The following CRYBG1 variants were observed in gnomAD, a reference collection of about 807,000 sequenced individuals.
CRYBG1 encodes beta/gamma crystallin domain-containing protein 1.
Under a neutral mutation model 189.2 loss-of-function variants are expected in CRYBG1, and 139 were observed. The observed-to-expected ratio is 0.73, with a 90% CI of 0.64 to 0.85. The LOEUF (loss-of-function observed/expected upper bound fraction) is 0.85, where lower values mean the gene tolerates loss of function less well. CRYBG1 is among the 40% of genes least tolerant of loss of function. CRYBG1 has a pLI of 0.00. For synonymous variants in CRYBG1, 1,023 were observed against 1,017.1 expected (o/e 1.01, Z -0.11); for missense variants, 2,611 against 2,675.8 (o/e 0.98, Z 0.53).
intron 1 of CRYBG1, among the ~76,000 whole-genome samples, chr6:106,417,708 G>A (rs1771050745): frequency 6.6e-6 from 1 of 152,238 alleles, no homozygotes; most frequent in Non-Finnish European, 1.5e-5. Flanking sequence ...CCTTGTGGGA[G>A]GGAGAATGTG....
At chr6:106,472,780 T>A (rs1256184161) in intron 2 of CRYBG1, among the ~76,000 whole-genome samples, 1 of 151,774 alleles carries the variant, frequency 6.6e-6, no homozygotes, top group Non-Finnish European at 1.5e-5. Flanking sequence ...GGCACGTGCC[T>A]GTAGTCCCAG....
chr6:106,364,321 C>G (rs1771939357), intron 1 of CRYBG1, among the ~76,000 whole-genome samples: 2 of 129,046 alleles, frequency 1.5e-5, no homozygotes, highest in South Asian at 5.3e-4. Flanking sequence ...GAGTGAAACT[C>G]CATCTCAAAA....
intron 10 of CRYBG1, among the ~76,000 whole-genome samples, chr6:106,543,146 C>T (rs1378832176): frequency 6.6e-6 from 1 of 151,646 alleles, no homozygotes; most frequent in African/African-American, 2.4e-5. Context: ...GGTTCTGCCT[C>T]AGCCTCCTGT....
At chr6:106,529,361 C>T (rs186509083) in intron 7 of CRYBG1, among the ~76,000 whole-genome samples, 1 of 152,310 alleles carries the variant, frequency 6.6e-6, no homozygotes, top group Admixed American at 6.5e-5. Flanking sequence ...ATTTTCTTCA[C>T]AGATCGTGTG....
intron 1 of CRYBG1, among the ~76,000 whole-genome samples, chr6:106,415,199 C>T (rs1294523192): frequency 1.3e-5 from 2 of 152,150 alleles, no homozygotes; most frequent in Admixed American, 6.6e-5. Context: ...ATATGTTTCT[C>T]ATGAAGATAC....
intron 2 of CRYBG1, among the ~76,000 whole-genome samples, chr6:106,502,459 T>G (rs1020367866): frequency 6.6e-6 from 1 of 152,236 alleles, no homozygotes; most frequent in Non-Finnish European, 1.5e-5. Flanking sequence ...AGGATATGCA[T>G]ATAATCCAGG....
At chr6:106,428,190 G>C (rs9399996) in intron 1 of CRYBG1, among the ~76,000 whole-genome samples, 17,236 of 152,110 alleles carry the variant, frequency 0.11, 1,250 homozygotes, top group Non-Finnish European at 0.15. Flanking sequence ...CTCCCTGATG[G>C]TATTTTATTC....
At position 106,539,616 on chromosome 6, in the gene CRYBG1, C is replaced by G. The variant is rs2114567597; in HGVS notation, c.4845+87C>G. 6 of 1,465,432 alleles carry G rather than the reference C, an allele frequency of 4.1e-6. 1 individual carries two copies. Among genetic ancestry groups the G allele is most frequent in the Middle Eastern group, 3.7e-4 (2 of 5,458 alleles). The allele number at this position is 1,465,432 out of a possible 1,614,324, so 90.8% of individuals were successfully genotyped here. A position where few individuals can be genotyped will look rare whatever the true frequency, so the allele number is the denominator to read the frequency against. On this transcript the variant is annotated intron_variant, in intron 9 of 21. Coordinates refer to ENST00000633556, the MANE Select transcript of CRYBG1 (RefSeq NM_001371242.2). The stretch of plus-strand genomic sequence containing the variant: ...AGGGTGTGACTTTGAAGCAATAAAG[C>G]TGACTTTTAAGAAACAAATTTGTAG...
chr6:106,505,144 G>T (rs1011546071), intron 2 of CRYBG1, among the ~76,000 whole-genome samples: 5 of 151,276 alleles, frequency 3.3e-5, no homozygotes, highest in African/African-American at 1.2e-4. Flanking sequence ...TGCCAGACTG[G>T]AGTGCAGTGG....
intron 2 of CRYBG1, among the ~76,000 whole-genome samples, chr6:106,473,507 A>G (rs186287190): frequency 4.3e-4 from 65 of 152,340 alleles, no homozygotes; most frequent in Admixed American, 4.1e-3. Flanking sequence ...GAGGGCCTAG[A>G]AACAGTGATA....
chr6:106,474,635 G>A (rs1041909418), intron 2 of CRYBG1, among the ~76,000 whole-genome samples: 9 of 152,138 alleles, frequency 5.9e-5, no homozygotes. Context: ...CCCTCTGAGG[G>A]CAGAGGATGA....
intron 3 of CRYBG1, among the ~76,000 whole-genome samples, chr6:106,517,497 C>CATAT (rs759313309): frequency 2.1e-5 from 3 of 141,832 alleles, no homozygotes; most frequent in Non-Finnish European, 4.5e-5. Context: ...CACACACACA[C>CATAT]ATATATATAT....
At position 106,521,092 on chromosome 6, in the gene CRYBG1, G is replaced by A; in HGVS notation, c.3884G>A (p.Gly1295Asp). The change falls in exon 4 of 22, where the codon GGT becomes GAT. Residue 1295 changes from glycine (G) to aspartate (D), a missense_variant. By Grantham distance (94) the Gly-to-Asp change is moderately conservative. Transcript: ENST00000633556. ...ACGACTGAGGGTGCCCCGCCCTGTG[G>A]TTTGAACAAAGAACAGTCAAATCTT... ...QPTTEGAPPCGLNKEQSNLLP... is the reference protein window; with the variant it reads ...QPTTEGAPPCDLNKEQSNLLP... The A allele has an allele frequency of 6.2e-7, 1 of 1,614,150 alleles. No homozygotes were observed. Among genetic ancestry groups the A allele is most frequent in the Non-Finnish European group, 8.5e-7 (1 of 1,180,022 alleles).
At chr6:106,533,259 C>A (rs1299529991) in intron 8 of CRYBG1, among the ~76,000 whole-genome samples, 1 of 152,198 alleles carries the variant, frequency 6.6e-6, no homozygotes, top group Non-Finnish European at 1.5e-5. Flanking sequence ...AGGAAGCACA[C>A]CATTTGCAAA....
At chr6:106,365,688 TTA>T (rs945129514) in intron 1 of CRYBG1, among the ~76,000 whole-genome samples, 2 of 150,042 alleles carry the variant, frequency 1.3e-5, no homozygotes, top group African/African-American at 4.9e-5. Context: ...GTATTTTTTT[TTA>T]AAAAAAGCAG....
chr6:106,482,547 G>T (rs1772488786), intron 2 of CRYBG1, among the ~76,000 whole-genome samples: 1 of 152,084 alleles, frequency 6.6e-6, no homozygotes, highest in South Asian at 2.1e-4. Flanking sequence ...AGGCCGAGGG[G>T]GGTGAATCAC....
chr6:106,367,799 CAAA>C lies in CRYBG1; in HGVS notation c.173+6734_173+6736del, dbSNP rs68107811. Among the ~76,000 whole-genome samples, 613 of 136,972 alleles carry C rather than the reference CAAA, an allele frequency of 4.5e-3. 2 individuals are homozygous for C. Among genetic ancestry groups the C allele is most frequent in the African/African-American group, 9.4e-3 (352 of 37,462 alleles). 89.9% of individuals were successfully genotyped at this position (136,972 alleles called of 152,430 possible). A position where few individuals can be genotyped will look rare whatever the true frequency, so the allele number is the denominator to read the frequency against. On this transcript the variant is annotated intron_variant, in intron 1 of 21. Transcript: ENST00000633556. ...GCAACAAACTCAGACCCTGCTTATC[CAAA>C]AAAAAAAAAAAAAAATTAGCCAGGT...
intron 2 of CRYBG1, 141 bp downstream of exon 2, chr6:106,451,973 A>T: frequency 2.6e-5 from 9 of 351,450 alleles, no homozygotes; most frequent in East Asian, 6.4e-5. Flanking sequence ...TATCATATGT[A>T]ATATATGTTA....
chr6:106,544,348 G>C (rs150933142), intron 11 of CRYBG1, among the ~76,000 whole-genome samples: 1 of 151,918 alleles, frequency 6.6e-6, no homozygotes, highest in Non-Finnish European at 1.5e-5. Context: ...TCACACACAC[G>C]CTCCCCTTCC....
Sources: allele counts gnomAD v4.1 joint callset (sites outside exome capture counted in the v4.1 genomes callset), GRCh38; gene constraint gnomAD v4.1.1; transcripts MANE v1.5; gene names NCBI Gene and HGNC (gene_info 2026-07-23, HGNC 2026-07-21).